The following MYOM3 variants were observed in gnomAD, a reference collection of about 807,000 sequenced individuals.
The protein encoded by MYOM3 is myomesin 3.
A neutral mutation model predicts 191.7 loss-of-function variants in MYOM3; 155 were observed. That is an observed-to-expected ratio of 0.81 (90% confidence interval 0.71 to 0.92). The LOEUF (loss-of-function observed/expected upper bound fraction) is 0.92, where lower values mean the gene tolerates loss of function less well. Ranked by LOEUF, MYOM3 falls within the 40% of genes least tolerant of loss-of-function variation. The pLI is 0.00. For missense variants in MYOM3, 1,889 were observed against 1,890.6 expected (o/e 1.00, Z 0.02); for synonymous variants, 757 against 762.9 (o/e 0.99, Z 0.13).
chr1:24,091,223 C>T (rs912467765), intron 11 of MYOM3, among the ~76,000 whole-genome samples: 7 of 152,220 alleles, frequency 4.6e-5, no homozygotes, highest in African/African-American at 1.7e-4. Flanking sequence ...GGGGCATCAT[C>T]GTGAGCCTGT....
intron 1 of MYOM3, among the ~76,000 whole-genome samples, chr1:24,109,963 G>A (rs138531997): frequency 6.6e-6 from 1 of 152,254 alleles, no homozygotes; most frequent in Non-Finnish European, 1.5e-5. Context: ...GCCCAGTGGG[G>A]CCGGATCAGA....
At chr1:24,110,845 G>T (rs1034025768) in intron 1 of MYOM3, among the ~76,000 whole-genome samples, 3 of 152,166 alleles carry the variant, frequency 2.0e-5, no homozygotes, top group African/African-American at 7.2e-5. Flanking sequence ...GAGCTGCTGG[G>T]TACCACCCTA....
rs1643874136 is a variant in MYOM3, at chr1:24,095,482, G to A, written c.750C>T (p.Tyr250=). 1 of 1,612,740 alleles carries A rather than the reference G, an allele frequency of 6.2e-7. No individual in the cohort carries two copies. The highest frequency in any genetic ancestry group is 8.5e-7 in the Non-Finnish European group (1 of 1,179,224). ...SSFAKVLVRT[Y]LGKDAGFDSE... ...AATCGAAGCCAGCATCCTTCCCCAG[G>A]TAAGCTGAAAAACCAAAGGCAAACA... The change falls in exon 8 of 37, where the codon TAC becomes TAT. Residue 250 remains tyrosine, a synonymous_variant. Coordinates refer to ENST00000374434, the MANE Select transcript of MYOM3 (RefSeq NM_152372.4).
chr1:24,066,299 C>A (rs1253397206), intron 28 of MYOM3: 2 of 704,806 alleles, frequency 2.8e-6, no homozygotes, highest in African/African-American at 3.5e-5. Flanking sequence ...CAATGTCCTG[C>A]CCCATCCGGG....
At chr1:24,074,930 C>T (rs181655878) in intron 22 of MYOM3, among the ~76,000 whole-genome samples, 1,810 of 152,042 alleles carry the variant, frequency 0.012, 19 homozygotes, top group Non-Finnish European at 0.021. Flanking sequence ...ACAAAAAATA[C>T]AAAAATTAGC....
At position 24,084,456 on chromosome 1, in the gene MYOM3, G is replaced by A; in HGVS notation, c.1970+12C>T. 6.2e-7 allele frequency: 1 copy of A among 1,613,890 alleles called. No individual in the cohort carries two copies. The highest frequency in any genetic ancestry group is 2.2e-5 in the East Asian group (1 of 44,878). On this transcript the variant is annotated intron_variant, in intron 16 of 36. Transcript: ENST00000374434. The stretch of plus-strand genomic sequence containing the variant: ...AGTGTGAGAACAGACTGATACGGGT[G>A]GGCAGACGTACCTGGTGCCTTGGAT...
chr1:24,067,606 C>T (rs1415908511), intron 27 of MYOM3, among the ~76,000 whole-genome samples: 2 of 151,724 alleles, frequency 1.3e-5, no homozygotes, highest in Admixed American at 6.6e-5. Context: ...GAATTACAGG[C>T]GTGTGCCACC....
intron 29 of MYOM3, among the ~76,000 whole-genome samples, chr1:24,065,487 T>C (rs1388085085): frequency 6.6e-6 from 1 of 152,118 alleles, no homozygotes; most frequent in Non-Finnish European, 1.5e-5. Context: ...TCCTAGACTG[T>C]TGGGGCAGGA....
At chr1:24,071,044 C>A (rs938363629) in intron 25 of MYOM3, 73 bp downstream of exon 25, 20 of 1,552,978 alleles carry the variant, frequency 1.3e-5, no homozygotes, top group Admixed American at 8.7e-5. Flanking sequence ...CCAGCCCATG[C>A]GGAATCACCA....
At chr1:24,079,433 G>C (rs1468953165) in intron 20 of MYOM3, among the ~76,000 whole-genome samples, 1 of 151,668 alleles carries the variant, frequency 6.6e-6, no homozygotes, top group African/African-American at 2.4e-5. Flanking sequence ...TCCTGGGCTT[G>C]AGCAATCCTC....
At chr1:24,083,818 C>G (rs1643703297) in intron 16 of MYOM3, 1 of 152,642 alleles carries the variant, frequency 6.6e-6, no homozygotes, top group Non-Finnish European at 1.5e-5. Flanking sequence ...AGTCCCAGTC[C>G]TGCCATTTAC....
intron 15 of MYOM3, among the ~76,000 whole-genome samples, chr1:24,086,321 T>C (rs1570873603): frequency 6.6e-6 from 1 of 152,172 alleles, no homozygotes; most frequent in East Asian, 1.9e-4. Context: ...CTGCAGGATC[T>C]AGGGGCAGGC....
chr1:24,107,608 G>T (rs56283454), intron 3 of MYOM3, among the ~76,000 whole-genome samples: 2 of 152,056 alleles, frequency 1.3e-5, no homozygotes, highest in East Asian at 3.9e-4. Flanking sequence ...CAAGCCGAAC[G>T]CTGCCTCTCC....
Position 24,057,443 on chromosome 1 carries a change from T to C in MYOM3, c.4235A>G (p.Lys1412Arg). 1 of 1,614,226 alleles carries C rather than the reference T, an allele frequency of 6.2e-7. No individual in the cohort carries two copies. The highest frequency in any genetic ancestry group is 8.5e-7 in the Non-Finnish European group (1 of 1,180,048). The change falls in exon 37 of 37, where the codon AAG becomes AGG. Residue 1412 changes from lysine to arginine, a missense_variant. Transcript: ENST00000374434. The part of the protein sequence containing the change: ...SGRYGVFVKN[K>R]YGSETGQVTI... ...GACCTGGCCCGTCTCGGAGCCATAC[T>C]TGTTCTTGACGAAGACGCCGTAGCG...
Position 24,087,156 on chromosome 1 carries a change from T to A in MYOM3, c.1615-329A>T, listed in dbSNP as rs776662366. ...TCCTCTCTTTGTCTCATGCCCTAAA[T>A]GTGCTCCATGAATGAACCCAGTTGG... On this transcript the variant is annotated intron_variant, in intron 14 of 36. Coordinates refer to ENST00000374434, the MANE Select transcript of MYOM3 (RefSeq NM_152372.4). This position sits in a 1 kb window ranked among gnomAD's most constrained non-coding sequence, Gnocchi z 4.5. 1.4e-4 allele frequency among the ~76,000 whole-genome samples: 22 copies of A among 152,194 alleles called. No individual in the cohort carries two copies. The highest frequency in any genetic ancestry group is 2.1e-4 in the Non-Finnish European group (14 of 68,030).
intron 28 of MYOM3, chr1:24,066,735 C>T (rs1288762499): frequency 3.1e-5 from 14 of 454,240 alleles, no homozygotes; most frequent in South Asian, 1.4e-4. Context: ...TATAAACCCT[C>T]GTGGGCTCCT....
intron 25 of MYOM3, among the ~76,000 whole-genome samples, chr1:24,070,031 T>C (rs1286916927): frequency 6.6e-6 from 1 of 152,210 alleles, no homozygotes; most frequent in Admixed American, 6.5e-5. Context: ...CAGTAAACAG[T>C]TGAATATTGA....
chr1:24,073,240 T>C (rs1643552454), intron 23 of MYOM3, among the ~76,000 whole-genome samples: 1 of 152,166 alleles, frequency 6.6e-6, no homozygotes, highest in South Asian at 2.1e-4. Flanking sequence ...AACCTGGGTC[T>C]CTCTGGCTTC....
At chr1:24,092,126 G>T in intron 11 of MYOM3, 48 bp downstream of exon 11, 1 of 1,398,798 alleles carries the variant, frequency 7.1e-7, no homozygotes, top group Non-Finnish European at 9.4e-7. Flanking sequence ...CCCACCACCA[G>T]ACAGAATTCT....
Sources: gnomAD v4.1 joint callset for allele counts (sites outside exome capture counted in the v4.1 genomes callset) on GRCh38, gnomAD v4.1.1 for gene constraint, Gnocchi (gnomAD v3.1) non-coding constraint, MANE v1.5 for transcripts, NCBI Gene and HGNC (gene_info 2026-07-23, HGNC 2026-07-21) for gene names.